NFKB1: variants seen among roughly 807,000 people sequenced by gnomAD.
NFKB1 encodes the protein nuclear factor kappa B subunit 1.
Under a neutral mutation model 105.1 loss-of-function variants are expected in NFKB1, and 9 were observed. That is an observed-to-expected ratio of 0.09 (90% CI 0.05 to 0.15). The LOEUF is 0.15. Ranked by LOEUF, NFKB1 falls within the 10% of genes least tolerant of loss-of-function variation. NFKB1 has a pLI of 1.00. For synonymous variants in NFKB1, 440 were observed against 442.2 expected (o/e 1.00, Z 0.06); for missense variants, 830 against 1,203.7 (o/e 0.69, Z 4.59).
chr4:102,548,040 GA>G (rs774235649), intron 5 of NFKB1, among the ~76,000 whole-genome samples: 5 of 152,048 alleles, frequency 3.3e-5, no homozygotes, highest in Non-Finnish European at 7.4e-5. Context: ...ATAATCAGGA[GA>G]AACACAAGAT....
At chr4:102,545,344 T>G (rs1433431972) in intron 5 of NFKB1, among the ~76,000 whole-genome samples, 1 of 152,078 alleles carries the variant, frequency 6.6e-6, no homozygotes, top group South Asian at 2.1e-4. Context: ...AGACAATGCT[T>G]TTTGCCTTTA....
chr4:102,541,248 A>T (rs1741979343), intron 5 of NFKB1, among the ~76,000 whole-genome samples: 1 of 152,200 alleles, frequency 6.6e-6, no homozygotes, highest in Non-Finnish European at 1.5e-5. Context: ...ACTGATGTGG[A>T]TGCAACAAAG....
intron 5 of NFKB1, among the ~76,000 whole-genome samples, chr4:102,555,833 C>G (rs1335512616): frequency 6.6e-6 from 1 of 152,070 alleles, no homozygotes; most frequent in Non-Finnish European, 1.5e-5. Flanking sequence ...AATGGGTAAG[C>G]TATAGAAATT....
intron 5 of NFKB1, 94 bp downstream of exon 5, chr4:102,538,050 T>C (rs1741757470): frequency 1.3e-6 from 1 of 771,244 alleles, no homozygotes; most frequent in African/African-American, 1.7e-5. Flanking sequence ...ACGGGTTGCC[T>C]TCGCTCCTAA....
chr4:102,557,540 C>T (rs998293894), intron 5 of NFKB1, among the ~76,000 whole-genome samples: 1 of 152,132 alleles, frequency 6.6e-6, no homozygotes, highest in African/African-American at 2.4e-5. Context: ...GGTAGTTGTT[C>T]CTATCCATCA....
chr4:102,604,689 A>G (rs190048897), intron 16 of NFKB1, among the ~76,000 whole-genome samples: 1 of 151,724 alleles, frequency 6.6e-6, no homozygotes, highest in East Asian at 1.9e-4. Context: ...TCCTAGTAGT[A>G]GACATTTAAC....
At chr4:102,568,318 A>C (rs1724044548) in intron 6 of NFKB1, among the ~76,000 whole-genome samples, 2 of 152,156 alleles carry the variant, frequency 1.3e-5, no homozygotes, top group Non-Finnish European at 2.9e-5. Flanking sequence ...TGAAGGAAGA[A>C]GCTTAAATTG....
In NFKB1 at chr4:102,616,835, G is replaced by C; in HGVS notation, c.*241G>C. 2.7e-6 allele frequency: 1 copy of C among 376,524 alleles called. No homozygotes were observed. The allele number at this position is 376,524 out of a possible 1,614,324, so 23.3% of individuals were successfully genotyped here. On this transcript the variant is annotated 3_prime_UTR_variant, in exon 24 of 24. Coordinates refer to ENST00000226574, the MANE Select transcript of NFKB1 (RefSeq NM_003998.4). Reference sequence around the variant, plus strand: ...AACACTGGCTGAGCGGATGCATCTGGGGATGAGGTTGCTTACTAAGCTTTG... The same window carrying C: ...AACACTGGCTGAGCGGATGCATCTGCGGATGAGGTTGCTTACTAAGCTTTG...
At chr4:102,581,366 A>G (rs1300525691) in intron 9 of NFKB1, among the ~76,000 whole-genome samples, 8 of 152,234 alleles carry the variant, frequency 5.3e-5, no homozygotes, top group Non-Finnish European at 1.0e-4. Flanking sequence ...AAATATAAAT[A>G]AGTAAAATAA....
At chr4:102,554,714 G>A (rs1385074854) in intron 5 of NFKB1, among the ~76,000 whole-genome samples, 2 of 152,124 alleles carry the variant, frequency 1.3e-5, no homozygotes, top group South Asian at 2.1e-4. Context: ...GCTGTCTTGC[G>A]GAGTCTCCCT....
At position 102,560,737 on chromosome 4, in the gene NFKB1, G is replaced by A. The variant is rs146433796; in HGVS notation, c.259-6250G>A. Among the ~76,000 whole-genome samples the A allele has an allele frequency of 2.3e-3, 343 of 152,234 alleles. 1 individual carries two copies. The highest frequency in any genetic ancestry group is 8.1e-3 in the African/African-American group (336 of 41,530). ...TTGGGTTATGTCACTTTGTTAATCT[G>A]TTTGAACTTCTGTTTTCTTATCTAC... On this transcript the variant is annotated intron_variant, in intron 5 of 23. Transcript: ENST00000226574.
intron 5 of NFKB1, among the ~76,000 whole-genome samples, chr4:102,549,111 T>C (rs1722369905): frequency 2.6e-5 from 4 of 152,124 alleles, no homozygotes. Context: ...TTGCCTCAGT[T>C]AATCATAGAA....
At chr4:102,559,169 C>T (rs560653203) in intron 5 of NFKB1, among the ~76,000 whole-genome samples, 27 of 152,148 alleles carry the variant, frequency 1.8e-4, no homozygotes, top group Non-Finnish European at 3.1e-4. Context: ...AGAAAAAGGA[C>T]GGAGAGGACA....
chr4:102,571,944 G>T (rs1283996521), intron 6 of NFKB1, among the ~76,000 whole-genome samples: 1 of 152,140 alleles, frequency 6.6e-6, no homozygotes, highest in African/African-American at 2.4e-5. Context: ...CAAGGATCTA[G>T]AACTAGAAAT....
intron 6 of NFKB1, among the ~76,000 whole-genome samples, chr4:102,571,769 A>G (rs531032541): frequency 1.3e-5 from 2 of 152,366 alleles, no homozygotes; most frequent in East Asian, 1.9e-4. Flanking sequence ...AGAAATGCCA[A>G]TCAAAACCAC....
At chr4:102,534,922 A>G (rs1267409919) in intron 4 of NFKB1, among the ~76,000 whole-genome samples, 1 of 152,174 alleles carries the variant, frequency 6.6e-6, no homozygotes, top group Non-Finnish European at 1.5e-5. Context: ...TTTGGTCAGC[A>G]TTTGATATAA....
chr4:102,602,971 T>C (rs1306450431), intron 16 of NFKB1, among the ~76,000 whole-genome samples: 1 of 152,216 alleles, frequency 6.6e-6, no homozygotes, highest in Non-Finnish European at 1.5e-5. Context: ...TTGTAGCTTG[T>C]CAGTCCTCTT....
chr4:102,573,752 G>GA (rs1724580624), intron 6 of NFKB1, among the ~76,000 whole-genome samples: 2 of 151,466 alleles, frequency 1.3e-5, no homozygotes, highest in African/African-American at 4.8e-5. Flanking sequence ...CTTTCATTTT[G>GA]GAAAGTTTTA....
chr4:102,520,371 C>T (rs1740485323), intron 1 of NFKB1, among the ~76,000 whole-genome samples: 1 of 152,158 alleles, frequency 6.6e-6, no homozygotes, highest in Admixed American at 6.5e-5. Flanking sequence ...CTAACATTTG[C>T]TGTGTATTAT....
Sources: gnomAD v4.1 joint callset for allele counts (sites outside exome capture counted in the v4.1 genomes callset) on GRCh38, gnomAD v4.1.1 for gene constraint, MANE v1.5 for transcripts, NCBI Gene and HGNC (gene_info 2026-07-23, HGNC 2026-07-21) for gene names.